HSP90AA1: variants seen among roughly 807,000 people sequenced by gnomAD.
HSP90AA1 encodes the protein heat shock protein HSP 90-alpha.
HSP90AA1 carries 18 observed loss-of-function variants against 73.3 expected under a neutral mutation model. The observed-to-expected ratio is 0.25, with a 90% confidence interval of 0.17 to 0.36. The LOEUF (loss-of-function observed/expected upper bound fraction) is 0.36. Ranked by LOEUF, HSP90AA1 falls within the 10% of genes least tolerant of loss-of-function variation. HSP90AA1 has a pLI of 1.00. For missense variants in HSP90AA1, 704 were observed against 874.2 expected, an observed-to-expected ratio of 0.81 and a Z score of 2.45; for synonymous variants, 477 against 296.9, an observed-to-expected ratio of 1.61 and a Z score of -6.24.
intron 1 of HSP90AA1, among the ~76,000 whole-genome samples, chr14:102,110,876 C>G (rs2049633585): frequency 6.6e-6 from 1 of 152,150 alleles, no homozygotes; most frequent in South Asian, 2.1e-4. Context: ...CCACTGCGCC[C>G]AGCCCAATTT....
rs1245257705 is a variant in HSP90AA1, at chr14:102,084,699, T to C, written c.963A>G (p.Glu321=). The C allele has an allele frequency of 6.2e-7, 1 of 1,613,586 alleles. No individual in the cohort carries two copies. The highest frequency in any genetic ancestry group is 2.2e-5 in the East Asian group (1 of 44,880). Residue 321 remains glutamate, a synonymous_variant, in exon 5 of 11, where the codon GAA becomes GAG. Transcript: ENST00000216281. ...EFYKSLTNDW[E]DHLAVKHFSV... ...CACTCACCTTCACTGCCAAGTGATCTTCCCAGTCATTGGTCAAGCTCTTAT... is the reference window on the plus strand; with the variant it reads ...CACTCACCTTCACTGCCAAGTGATCCTCCCAGTCATTGGTCAAGCTCTTAT...
upstream of HSP90AA1, among the ~76,000 whole-genome samples, chr14:102,089,976 T>C (rs2049332035): frequency 6.6e-6 from 1 of 151,654 alleles, no homozygotes; most frequent in African/African-American, 2.4e-5. Context: ...AACACAGACC[T>C]GGCCCTATCT....
At chr14:102,132,820 C>T (rs759224428) in intron 1 of HSP90AA1, among the ~76,000 whole-genome samples, 2 of 151,690 alleles carry the variant, frequency 1.3e-5, no homozygotes, top group Non-Finnish European at 2.9e-5. Flanking sequence ...ATTTAGCTGG[C>T]GTGGTGGTGC....
At position 102,081,446 on chromosome 14, in the gene HSP90AA1, T is replaced by C. The variant is rs1479720757; in HGVS notation, c.*266A>G. The C allele has an allele frequency of 1.9e-6, 1 of 538,662 alleles. No homozygotes were observed. The highest frequency in any genetic ancestry group is 3.2e-5 in the Admixed American group (1 of 30,792). 33.4% of individuals were successfully genotyped at this position (538,662 alleles called of 1,614,324 possible). A position where few individuals can be genotyped will look rare whatever the true frequency, so the allele number is the denominator to read the frequency against. On this transcript the variant is annotated 3_prime_UTR_variant, in exon 11 of 11. Transcript: ENST00000216281. Reference sequence around the variant, plus strand: ...AACACTTTAGACCACAAAGTTAACATCATGTTACATACGTCTTACAGTGCA... The same window carrying C: ...AACACTTTAGACCACAAAGTTAACACCATGTTACATACGTCTTACAGTGCA...
At position 102,086,250 on chromosome 14, in the gene HSP90AA1, G is replaced by T. The variant is rs116476189; in HGVS notation, c.129C>A (p.Ile43=). ...AATTTGAAATGAGCTCTCTCAGAAAGATCTCTTTGTTCGAGTAGAAAGTAT... is the reference window on the plus strand; with the variant it reads ...AATTTGAAATGAGCTCTCTCAGAAATATCTCTTTGTTCGAGTAGAAAGTAT... The part of the protein sequence containing the change: ...IINTFYSNKE[I]FLRELISNSS... Residue 43 remains isoleucine (I), a synonymous_variant, in exon 2 of 11, where the codon ATC becomes ATA. Coordinates refer to ENST00000216281, the MANE Select transcript of HSP90AA1 (RefSeq NM_005348.4). 6.2e-7 allele frequency: 1 copy of T among 1,614,160 alleles called. No homozygotes were observed. The highest frequency in any genetic ancestry group is 1.1e-5 in the South Asian group (1 of 91,080).
intron 1 of HSP90AA1, among the ~76,000 whole-genome samples, chr14:102,134,000 A>T (rs1185183370): frequency 1.3e-5 from 2 of 151,908 alleles, no homozygotes; most frequent in Non-Finnish European, 1.5e-5. Context: ...AAAATACAAA[A>T]ATTAGCCGTG....
rs765732814 is a variant in HSP90AA1, at chr14:102,084,837, C to T, written c.825G>A (p.Lys275=). ...EEEEKKDGDK[K]KKKKIKEKYI... is the part of the protein sequence containing the mutation. Reference sequence around the variant, plus strand: ...ACTTTTCCTTAATCTTCTTCTTCTTCTTCTTGTCACCATCCTTCTTTTCTT... The same window carrying T: ...ACTTTTCCTTAATCTTCTTCTTCTTTTTCTTGTCACCATCCTTCTTTTCTT... The change falls in exon 5 of 11, where the codon AAG becomes AAA. Residue 275 remains lysine (K), a synonymous_variant. Transcript: ENST00000216281. 51 of 1,598,970 alleles carry T rather than the reference C, an allele frequency of 3.2e-5. No individual in the cohort carries two copies. Among genetic ancestry groups the T allele is most frequent in the Admixed American group, 5.0e-5 (3 of 59,936 alleles).
Position 102,085,364 on chromosome 14 carries a change from C to T in HSP90AA1, c.597G>A (p.Glu199=), listed in dbSNP as rs766548681. The change falls in exon 4 of 11, where the codon GAG becomes GAA. Residue 199 remains glutamate (E), a synonymous_variant. Coordinates refer to ENST00000216281, the MANE Select transcript of HSP90AA1 (RefSeq NM_005348.4). ...HLKEDQTEYL[E]ERRIKEIVKK... ...TCACAATCTCCTTTATTCTTCGTTC[C>T]TCCAAGTACTCAGTTTGGTCTTCTT... 2 of 1,612,660 alleles carry T rather than the reference C, an allele frequency of 1.2e-6. No individual in the cohort carries two copies. The highest frequency in any genetic ancestry group is 1.7e-6 in the Non-Finnish European group (2 of 1,178,652).
exon 1 of HSP90AA1, chr14:102,139,601 T>C: frequency 3.0e-6 from 2 of 674,486 alleles, no homozygotes; most frequent in South Asian, 4.0e-5. Context: ...CCGCTGGCCC[T>C]GGCGGCTGCG....
intron 1 of HSP90AA1, among the ~76,000 whole-genome samples, chr14:102,128,733 G>A (rs543554097): frequency 4.6e-5 from 7 of 152,086 alleles, no homozygotes; most frequent in East Asian, 1.9e-4. Flanking sequence ...CCCAGGAGGC[G>A]GAGGTTACAG....
Position 102,085,451 on chromosome 14 carries a change from A to G in HSP90AA1, c.530-20T>C, listed in dbSNP as rs4586364. Reference sequence around the variant, plus strand: ...GTTCACCTGCAAGAGAAGAAAGAAAAATTGACTTAATACATTCAATTTAGT... The same window carrying G: ...GTTCACCTGCAAGAGAAGAAAGAAAGATTGACTTAATACATTCAATTTAGT... On this transcript the variant is annotated intron_variant, in intron 3 of 10. Coordinates refer to ENST00000216281, the MANE Select transcript of HSP90AA1 (RefSeq NM_005348.4). 0.055 allele frequency: 81,474 copies of G among 1,490,036 alleles called. 2,335 individuals are homozygous for G. Among genetic ancestry groups the G allele is most frequent in the Non-Finnish European group, 0.06 (67,354 of 1,120,516 alleles). The allele number at this position is 1,490,036 out of a possible 1,614,324, so 92.3% of individuals were successfully genotyped here. A position where few individuals can be genotyped will look rare whatever the true frequency, so the allele number is the denominator to read the frequency against.
intron 9 of HSP90AA1, 44 bp downstream of exon 9, chr14:102,082,990 C>T: frequency 6.3e-7 from 1 of 1,583,938 alleles, no homozygotes; most frequent in Non-Finnish European, 8.7e-7. Flanking sequence ...AGCTTGAAAG[C>T]ACCTTAGAAG....
At chr14:102,104,185 G>T (rs1289053418) in intron 1 of HSP90AA1, among the ~76,000 whole-genome samples, 1 of 152,058 alleles carries the variant, frequency 6.6e-6, no homozygotes, top group Non-Finnish European at 1.5e-5. Flanking sequence ...ATGTATAACA[G>T]TTCACATATT....
At chr14:102,088,992 C>G (rs1032373612), upstream of HSP90AA1, among the ~76,000 whole-genome samples, 22 of 149,416 alleles carry the variant, frequency 1.5e-4, no homozygotes, top group Admixed American at 1.3e-3. Flanking sequence ...CTGCAACCTG[C>G]TCACTGCAAC....
chr14:102,116,030 C>A (rs924273393), intron 1 of HSP90AA1, among the ~76,000 whole-genome samples: 1 of 151,182 alleles, frequency 6.6e-6, no homozygotes, highest in Non-Finnish European at 1.5e-5. Context: ...CGTCTCACTG[C>A]AAGCTCTGCC....
Position 102,083,063 on chromosome 14 carries a change from T to C in HSP90AA1, c.1726A>G (p.Lys576Glu). ...TCAACTTTTTTCTCCAATATGTCTT[T>C]CATGATTTTGCAGAGGTTCTCAAAC... The part of the protein sequence containing the change: ...TKFENLCKIM[K>E]DILEKKVEKV... Residue 576 changes from lysine to glutamate, a missense_variant, in exon 9 of 11, where the codon AAA becomes GAA. Transcript: ENST00000216281. 1 of 1,613,964 alleles carries C rather than the reference T, an allele frequency of 6.2e-7. No homozygotes were observed. The highest frequency in any genetic ancestry group is 8.5e-7 in the Non-Finnish European group (1 of 1,179,828).
chr14:102,136,062 GT>G (rs936301036), intron 1 of HSP90AA1, among the ~76,000 whole-genome samples: 3 of 152,236 alleles, frequency 2.0e-5, no homozygotes, highest in African/African-American at 7.2e-5. Flanking sequence ...CTGCCAGCAC[GT>G]TGTAACCTCT....
chr14:102,120,455 T>G (rs2049762374), intron 1 of HSP90AA1, among the ~76,000 whole-genome samples: 1 of 152,158 alleles, frequency 6.6e-6, no homozygotes, highest in Non-Finnish European at 1.5e-5. Context: ...ACATTACCAT[T>G]TACAAAGAGA....
chr14:102,123,617 C>T (rs926623203), intron 1 of HSP90AA1, among the ~76,000 whole-genome samples: 15 of 151,454 alleles, frequency 9.9e-5, no homozygotes, highest in Non-Finnish European at 1.5e-4. Context: ...CTCAAGGGAT[C>T]CTCCCGCCTT....
Sources: gnomAD v4.1 joint callset for allele counts (sites outside exome capture counted in the v4.1 genomes callset) on GRCh38, gnomAD v4.1.1 for gene constraint, MANE v1.5 for transcripts, NCBI Gene and HGNC (gene_info 2026-07-23, HGNC 2026-07-21) for gene names.